Variants in RBM26 observed in about 807,000 individuals in gnomAD.
RBM26 encodes the protein RNA binding motif protein 26.
A neutral mutation model predicts 123.6 loss-of-function variants in RBM26; 30 were observed. That is an observed-to-expected ratio of 0.24 (90% CI 0.18 to 0.33). The LOEUF is 0.33. Among genes scored for constraint, RBM26 ranks in the 10% least tolerant of loss-of-function variants. RBM26 has a pLI of 1.00. For missense variants in RBM26, 947 were observed against 1,203.6 expected, an observed-to-expected ratio of 0.79 and a Z score of 3.15; for synonymous variants, 400 against 404.4, an observed-to-expected ratio of 0.99 and a Z score of 0.13.
chr13:79,402,644 T>G (rs1212529132), intron 1 of RBM26, among the ~76,000 whole-genome samples: 2 of 152,192 alleles, frequency 1.3e-5, no homozygotes, highest in African/African-American at 2.4e-5. Flanking sequence ...ATATCTTTTT[T>G]GTCCATTTTT....
At chr13:79,382,998 A>AATGTAACTAAAGCCAGTT (rs2077180491) in intron 1 of RBM26, among the ~76,000 whole-genome samples, 10 of 133,688 alleles carry the variant, frequency 7.5e-5, no homozygotes, top group African/African-American at 1.4e-4. Context: ...AGGAAAAAGG[A>AATGTAACTAAAGCCAGTT]TTACATTTGT....
At chr13:79,314,443 T>C (rs1363218781), downstream of RBM26, 1 of 151,764 alleles carries the variant, frequency 6.6e-6, no homozygotes, top group East Asian at 1.9e-4. Flanking sequence ...AGAAAGTATA[T>C]TCAGAAGAAA....
intron 10 of RBM26, among the ~76,000 whole-genome samples, chr13:79,359,074 A>G (rs2074356604): frequency 6.6e-6 from 1 of 152,182 alleles, no homozygotes; most frequent in African/African-American, 2.4e-5. Context: ...TTATTTATAA[A>G]TGAATCACCT....
At chr13:79,362,445 T>C (rs1165612879) in intron 9 of RBM26, among the ~76,000 whole-genome samples, 3 of 152,166 alleles carry the variant, frequency 2.0e-5, no homozygotes, top group Non-Finnish European at 4.4e-5. Flanking sequence ...TCTACATTAC[T>C]TACTTCTTCT....
At chr13:79,342,265 T>C (rs931352541) in intron 17 of RBM26, among the ~76,000 whole-genome samples, 2 of 151,854 alleles carry the variant, frequency 1.3e-5, no homozygotes, top group African/African-American at 4.8e-5. Context: ...TTGATCTACC[T>C]GATCAACCTG....
rs371389181 is a variant in RBM26, at chr13:79,376,934, C to T, written c.327+445G>A. On this transcript the variant is annotated intron_variant, in intron 3 of 21. Transcript: ENST00000438737. ...TAGTTATGAAACAATATGGTCTACA[C>T]TGAACATCTGCCTTCCTCCCAGGAG... is the stretch of plus-strand genomic sequence containing the variant. 2.3e-4 allele frequency: 36 copies of T among 157,838 alleles called. No homozygotes were observed. The South Asian group carries it at 6.5e-3, about 29-fold the overall frequency. 9.8% of individuals were successfully genotyped at this position (157,838 alleles called of 1,614,324 possible).
intron 19 of RBM26, among the ~76,000 whole-genome samples, chr13:79,336,191 AATTAC>A (rs2070356832): frequency 6.6e-6 from 1 of 152,128 alleles, no homozygotes. Context: ...TTAAGATCTA[AATTAC>A]AGTTTTACTA....
chr13:79,382,181 C>A (rs1048902752), intron 1 of RBM26, among the ~76,000 whole-genome samples: 2 of 151,882 alleles, frequency 1.3e-5, no homozygotes, highest in Non-Finnish European at 2.9e-5. Flanking sequence ...TATGCAAAGT[C>A]AATTAAATAA....
At chr13:79,404,173 T>C (rs1005901535) in intron 1 of RBM26, among the ~76,000 whole-genome samples, 3 of 152,224 alleles carry the variant, frequency 2.0e-5, no homozygotes, top group African/African-American at 7.2e-5. Flanking sequence ...TTTATTATTA[T>C]CAAAACTAGC....
chr13:79,385,531 C>T (rs965233641), intron 1 of RBM26, among the ~76,000 whole-genome samples: 1 of 152,076 alleles, frequency 6.6e-6, no homozygotes, highest in African/African-American at 2.4e-5. Context: ...AGCATGATTC[C>T]ATCTTACTTT....
intron 5 of RBM26, among the ~76,000 whole-genome samples, chr13:79,369,262 T>G (rs982124883): frequency 2.0e-5 from 3 of 152,312 alleles, no homozygotes; most frequent in Admixed American, 2.0e-4. Context: ...GAATTTTATA[T>G]TTTCTTCATC....
intron 1 of RBM26, among the ~76,000 whole-genome samples, chr13:79,387,038 T>C (rs996614120): frequency 9.9e-5 from 15 of 152,132 alleles, no homozygotes; most frequent in Admixed American, 5.2e-4. Flanking sequence ...TTCTCTAACA[T>C]TGCTACCAAA....
At chr13:79,354,718 C>T (rs1237938045) in intron 12 of RBM26, 148 bp from the exon 13 acceptor site, 3 of 602,358 alleles carry the variant, frequency 5.0e-6, no homozygotes, top group East Asian at 3.0e-5. Context: ...TAATTTCATC[C>T]ACACATATAC....
chr13:79,382,720 GA>G (rs557994029), intron 1 of RBM26, among the ~76,000 whole-genome samples: 87 of 152,234 alleles, frequency 5.7e-4, no homozygotes, highest in Non-Finnish European at 1.0e-3. Flanking sequence ...GGCTGGGGGG[GA>G]AACATAAATT....
At chr13:79,358,884 GAAAAA>G (rs1051782662) in intron 10 of RBM26, among the ~76,000 whole-genome samples, 5 of 151,766 alleles carry the variant, frequency 3.3e-5, no homozygotes, top group African/African-American at 4.8e-5. Context: ...TTTAAAAAAA[GAAAAA>G]AAGAATTGTT....
exon 5 of RBM26, chr13:79,313,229 A>G (rs1361418731): frequency 6.6e-6 from 1 of 151,902 alleles, no homozygotes; most frequent in African/African-American, 2.4e-5. Flanking sequence ...TCTCTAATCA[A>G]CACGGGGATT....
chr13:79,401,087 A>G (rs1227411970), intron 1 of RBM26, among the ~76,000 whole-genome samples: 1 of 152,220 alleles, frequency 6.6e-6, no homozygotes, highest in Non-Finnish European at 1.5e-5. Flanking sequence ...AGGAAAGGTC[A>G]AAGGAATCAA....
chr13:79,393,702 C>G (rs765828996), intron 1 of RBM26, among the ~76,000 whole-genome samples: 1 of 152,160 alleles, frequency 6.6e-6, no homozygotes, highest in African/African-American at 2.4e-5. Context: ...TCTCCTCCCC[C>G]CGTATGACCA....
intron 14 of RBM26, 63 bp from the exon 15 acceptor site, chr13:79,344,857 T>C: frequency 6.5e-7 from 1 of 1,533,168 alleles, no homozygotes; most frequent in Non-Finnish European, 8.9e-7. Context: ...CTATTTTCTA[T>C]AAGACTCAAC....
Sources: allele counts gnomAD v4.1 joint callset (sites outside exome capture counted in the v4.1 genomes callset), GRCh38; gene constraint gnomAD v4.1.1; transcripts MANE v1.5; gene names NCBI Gene and HGNC (gene_info 2026-07-23, HGNC 2026-07-21).